Variants in KIF25 observed in about 807,000 individuals in gnomAD.
KIF25 encodes kinesin-like protein KIF25.
Under a neutral mutation model 32.9 loss-of-function variants are expected in KIF25, and 19 were observed. The observed-to-expected ratio is 0.58, with a 90% CI of 0.40 to 0.85. KIF25 has a LOEUF of 0.85. Ranked by LOEUF, KIF25 falls within the 40% of genes least tolerant of loss-of-function variation. The pLI is 0.00. For synonymous variants in KIF25, 225 were observed against 213.7 expected (o/e 1.05, Z -0.46); for missense variants, 485 against 507.0 (o/e 0.96, Z 0.42).
rs116067606 is a variant in KIF25, at chr6:168,002,922, G to A, written c.-253+263G>A. Among the ~76,000 whole-genome samples the A allele has an allele frequency of 4.2e-3, 646 of 152,338 alleles. 7 individuals carry two copies. Among genetic ancestry groups the A allele is most frequent in the African/African-American group, 0.015 (619 of 41,570 alleles). Reference sequence around the variant, plus strand: ...AGTGTGCAACCTGCATCCCTCACATGCACAGCTCACAGTAGGGTTTGTGCT... The same window carrying A: ...AGTGTGCAACCTGCATCCCTCACATACACAGCTCACAGTAGGGTTTGTGCT... On this transcript the variant is annotated intron_variant, in intron 3 of 12. Transcript: ENST00000643607.
At chr6:168,006,746 A>T (rs1197111605) in intron 4 of KIF25, among the ~76,000 whole-genome samples, 2 of 147,362 alleles carry the variant, frequency 1.4e-5, no homozygotes, top group East Asian at 3.9e-4. Context: ...TTTGAAGATG[A>T]TTTTGTGTCA....
At chr6:168,001,446 C>T (rs1201303784) in intron 2 of KIF25, among the ~76,000 whole-genome samples, 1 of 152,260 alleles carries the variant, frequency 6.6e-6, no homozygotes, top group Admixed American at 6.5e-5. Flanking sequence ...ACACCAGCCT[C>T]CCTGCGAGCC....
Position 167,998,559 on chromosome 6 carries a change from G to A in KIF25, c.-910G>A, listed in dbSNP as rs1798453980. The A allele has an allele frequency of 6.6e-6, 1 of 152,174 alleles. No homozygotes were observed. The highest frequency in any genetic ancestry group is 2.4e-5 in the African/African-American group (1 of 41,436). 9.4% of individuals were successfully genotyped at this position (152,174 alleles called of 1,614,324 possible). A position where few individuals can be genotyped will look rare whatever the true frequency, so the allele number is the denominator to read the frequency against. ...CACTGGAAACCAGTGGAGTTTATGA[G>A]AATAAAAAGCTTCTAATTTCCTTCC... On this transcript the variant is annotated 5_prime_UTR_variant, in exon 1 of 13. Coordinates refer to ENST00000643607, the MANE Select transcript of KIF25 (RefSeq NM_030615.4).
Position 168,042,543 on chromosome 6 carries a change from C to T in KIF25, c.830-18C>T, listed in dbSNP as rs749450036. ...TTTCTTGGTGCAAACGGTGATGGTG[C>T]GTGGCGGTCCTGTCCAGGTGTGTCT... is the stretch of plus-strand genomic sequence containing the variant. On this transcript the variant is annotated intron_variant, in intron 11 of 12. Coordinates refer to ENST00000643607, the MANE Select transcript of KIF25 (RefSeq NM_030615.4). The T allele has an allele frequency of 1.1e-4, 177 of 1,606,546 alleles. No homozygotes were observed. The South Asian group carries it at 1.6e-3, about 15-fold the overall frequency.
intron 9 of KIF25, among the ~76,000 whole-genome samples, chr6:168,039,744 A>G (rs1249168149): frequency 3.9e-5 from 6 of 152,252 alleles, no homozygotes; most frequent in Admixed American, 1.3e-4. Flanking sequence ...GATTTGATAC[A>G]CAAAATATTT....
intron 2 of KIF25, among the ~76,000 whole-genome samples, chr6:168,000,604 C>G (rs1327441558): frequency 1.4e-5 from 2 of 147,448 alleles, no homozygotes; most frequent in Non-Finnish European, 3.0e-5. Flanking sequence ...CCTTCTCACC[C>G]TCCCTCCATA....
chr6:168,034,087 C>T, intron 8 of KIF25, 56 bp downstream of exon 8: 1 of 1,593,656 alleles, frequency 6.3e-7, no homozygotes, highest in Non-Finnish European at 8.6e-7. Flanking sequence ...GCCAGGCGGT[C>T]AGCACCTTGG....
chr6:168,011,067 G>T (rs990459980), intron 4 of KIF25, among the ~76,000 whole-genome samples: 1 of 152,018 alleles, frequency 6.6e-6, no homozygotes, highest in African/African-American at 2.4e-5. Flanking sequence ...AATCTGTCAG[G>T]CAGTTTACAT....
chr6:168,022,397 T>C (rs540352054), intron 5 of KIF25, among the ~76,000 whole-genome samples: 63 of 152,320 alleles, frequency 4.1e-4, no homozygotes, highest in Non-Finnish European at 8.4e-4. Flanking sequence ...TCCTTATGTT[T>C]TGTGTTCCTT....
chr6:168,042,466 C>T (rs1799139073), intron 11 of KIF25, 95 bp from the exon 12 acceptor site: 7 of 1,483,206 alleles, frequency 4.7e-6, no homozygotes, highest in South Asian at 1.3e-5. Flanking sequence ...CTCCCCTCTA[C>T]CTGCCTGAGA....
At position 168,040,159 on chromosome 6, in the gene KIF25, A is replaced by C. The variant is rs201995929; in HGVS notation, c.589A>C (p.Arg197=). Reference sequence around the variant, plus strand: ...CACCCTGGTGCACGCGGATTCCTCCAGGTCTCACCTGATAATTACGGTGAC... The same window carrying C: ...CACCCTGGTGCACGCGGATTCCTCCCGGTCTCACCTGATAATTACGGTGAC... ...HPTLVHADSS[R]SHLIITVTLT... The change falls in exon 10 of 13, where the codon AGG becomes CGG. Residue 197 remains arginine, a synonymous_variant. Transcript: ENST00000643607. The C allele has an allele frequency of 1.9e-6, 3 of 1,614,088 alleles. No homozygotes were observed. Among genetic ancestry groups the C allele is most frequent in the Non-Finnish European group, 2.5e-6 (3 of 1,180,016 alleles).
At chr6:168,020,419 G>A (rs1798773533) in intron 5 of KIF25, among the ~76,000 whole-genome samples, 1 of 151,980 alleles carries the variant, frequency 6.6e-6, no homozygotes, top group Admixed American at 6.6e-5. Context: ...GTGTACAACG[G>A]ATTCTGTCCT....
chr6:168,030,599 A>AT (rs1798927402), intron 6 of KIF25, 174 bp from the exon 7 acceptor site: 1 of 498,158 alleles, frequency 2.0e-6, no homozygotes, highest in Admixed American at 4.0e-5. Flanking sequence ...TTTACTCTTT[A>AT]TTAACCTCTG....
intron 5 of KIF25, among the ~76,000 whole-genome samples, chr6:168,024,849 G>A (rs867419900): frequency 3.3e-5 from 5 of 151,962 alleles, no homozygotes; most frequent in African/African-American, 4.8e-5. Context: ...TCAGGAGTTC[G>A]AGACCAGCCT....
At chr6:168,028,766 T>C (rs1247034583) in intron 5 of KIF25, among the ~76,000 whole-genome samples, 1 of 152,232 alleles carries the variant, frequency 6.6e-6, no homozygotes, top group Non-Finnish European at 1.5e-5. Context: ...ATCATGTATT[T>C]TCAGGAGCCT....
intron 5 of KIF25, among the ~76,000 whole-genome samples, chr6:168,020,158 A>AAACT (rs1554250077): frequency 6.6e-6 from 1 of 151,980 alleles, no homozygotes; most frequent in Admixed American, 6.6e-5. Flanking sequence ...ACAAACAAAC[A>AAACT]GAGAAACACC....
chr6:168,043,683 C>G (rs369357683), intron 12 of KIF25, among the ~76,000 whole-genome samples: 27 of 152,334 alleles, frequency 1.8e-4, no homozygotes, highest in African/African-American at 6.5e-4. Context: ...CGACCTGGGT[C>G]AGGGGCACAG....
intron 7 of KIF25, among the ~76,000 whole-genome samples, chr6:168,032,597 C>A (rs184195721): frequency 6.6e-6 from 1 of 152,334 alleles, no homozygotes; most frequent in Admixed American, 6.5e-5. Context: ...TGACTCAAAC[C>A]GTCAGCCCCA....
intron 5 of KIF25, among the ~76,000 whole-genome samples, chr6:168,025,888 C>T (rs1377094017): frequency 2.6e-5 from 4 of 152,168 alleles, no homozygotes; most frequent in African/African-American, 9.7e-5. Context: ...AGTGTGCGGC[C>T]GAGTACTGAG....
Sources: allele counts gnomAD v4.1 joint callset (sites outside exome capture counted in the v4.1 genomes callset), GRCh38; gene constraint gnomAD v4.1.1; transcripts MANE v1.5; gene names NCBI Gene and HGNC (gene_info 2026-07-23, HGNC 2026-07-21).